Variants in YBEY observed in about 807,000 individuals in gnomAD.
The protein encoded by YBEY is ybeY metalloendoribonuclease.
Under a neutral mutation model 13.5 loss-of-function variants are expected in YBEY, and 15 were observed. The observed-to-expected ratio is 1.11, with a 90% confidence interval of 0.75 to 1.72. YBEY has a LOEUF of 1.72. Ranked by LOEUF, YBEY falls within the 40% of genes most tolerant of loss-of-function variation. The pLI, the probability that YBEY is intolerant of heterozygous loss-of-function variation, is 0.00. For missense variants in YBEY, 244 were observed against 208.4 expected (o/e 1.17, Z -1.05); for synonymous variants, 101 against 83.1 (o/e 1.21, Z -1.17).
downstream of YBEY, chr21:46,301,667 G>T: frequency 8.9e-7 from 1 of 1,119,544 alleles, no homozygotes. Context: ...CTTTACCTCC[G>T]TGATGGAAGA....
intron 2 of YBEY, among the ~76,000 whole-genome samples, chr21:46,290,341 G>A (rs541848836): frequency 1.3e-5 from 2 of 152,130 alleles, no homozygotes; most frequent in South Asian, 4.2e-4. Context: ...GAGTAGCTGG[G>A]GTTACAGGCA....
At position 46,291,478 on chromosome 21, in the gene YBEY, G is replaced by A. The variant is rs1569097437; in HGVS notation, c.339+16G>A. 3 of 1,613,258 alleles carry A rather than the reference G, an allele frequency of 1.9e-6. No homozygotes were observed. The highest frequency in any genetic ancestry group is 8.5e-7 in the Non-Finnish European group (1 of 1,179,702). Reference sequence around the variant, plus strand: ...CGTCCTGACTGTAAGCGGGGATGCTGAAATCATATAACCTGGCTCATGGAA... The same window carrying A: ...CGTCCTGACTGTAAGCGGGGATGCTAAAATCATATAACCTGGCTCATGGAA... On this transcript the variant is annotated intron_variant, in intron 3 of 4. Coordinates refer to ENST00000397701, the MANE Select transcript of YBEY (RefSeq NM_001314025.2).
At chr21:46,300,803 G>A (rs2082082596), downstream of YBEY, 1 of 1,287,294 alleles carries the variant, frequency 7.8e-7, no homozygotes, top group African/African-American at 1.5e-5. Flanking sequence ...TCCTAATAGG[G>A]GGTGAATGAA....
the YBEY span, among the ~76,000 whole-genome samples, chr21:46,309,421 C>A: frequency 0.061 from 9,164 of 149,884 alleles, 326 homozygotes; most frequent in Non-Finnish European, 0.081. Flanking sequence ...GAGATTGCGC[C>A]ACTTCACTCA....
intron 2 of YBEY, 105 bp from the exon 3 acceptor site, chr21:46,291,224 GGCTCA>G (rs1329684226): frequency 1.9e-6 from 2 of 1,066,866 alleles, no homozygotes; most frequent in East Asian, 6.5e-5. Flanking sequence ...AAAGTGATTT[GGCTCA>G]GAGATAAGTG....
intron 2 of YBEY, among the ~76,000 whole-genome samples, chr21:46,290,224 G>A (rs2081644548): frequency 2.0e-5 from 3 of 149,422 alleles, no homozygotes; most frequent in African/African-American, 7.4e-5. Context: ...TTTTTTTTGA[G>A]ACGGAGTCTT....
intron 2 of YBEY, among the ~76,000 whole-genome samples, chr21:46,289,671 C>G (rs1157900783): frequency 1.3e-5 from 2 of 151,610 alleles, no homozygotes; most frequent in Non-Finnish European, 2.9e-5. Context: ...CCAAGCTGGT[C>G]TAGAACTCCT....
chr21:46,297,537 A>C lies in YBEY; in HGVS notation c.409-2A>C. The C allele has an allele frequency of 7.2e-7, 1 of 1,387,986 alleles. No individual in the cohort carries two copies. Among genetic ancestry groups the C allele is most frequent in the East Asian group, 3.0e-5 (1 of 33,178 alleles). The allele number at this position is 1,387,986 out of a possible 1,614,324, so 86.0% of individuals were successfully genotyped here. A position where few individuals can be genotyped will look rare whatever the true frequency, so the allele number is the denominator to read the frequency against. Reference sequence around the variant, plus strand: ...AGGGCCAGCGCGCTTCCTTCCTTCCAGATGTTCCAGAAGGAGAAGGCGGTG... The same window carrying C: ...AGGGCCAGCGCGCTTCCTTCCTTCCCGATGTTCCAGAAGGAGAAGGCGGTG... On this transcript the variant is annotated splice_acceptor_variant, in intron 4 of 4. Transcript: ENST00000397701. LOFTEE classifies it high-confidence loss of function.
intron 2 of YBEY, 35 bp downstream of exon 2, chr21:46,287,158 A>G: frequency 6.7e-7 from 1 of 1,482,342 alleles, no homozygotes; most frequent in Non-Finnish European, 9.2e-7. Context: ...TGTCTAGCCC[A>G]TCTTCCCAGA....
rs1280677297 is a variant in YBEY, at chr21:46,286,949, C to A, written c.36C>A (p.Ile12=). ...TGATTAGAAATCTGCAGCGAGTCAT[C>A]CCCATCAGGAGAGCGCCACTTCGCA... is the stretch of plus-strand genomic sequence containing the variant. ...SLVIRNLQRV[I]PIRRAPLRSK... The change falls in exon 2 of 5, where the codon ATC becomes ATA. Residue 12 remains isoleucine, a synonymous_variant. Transcript: ENST00000397701. The A allele has an allele frequency of 6.2e-7, 1 of 1,613,908 alleles. No homozygotes were observed. Among genetic ancestry groups the A allele is most frequent in the African/African-American group, 1.3e-5 (1 of 74,910 alleles).
At chr21:46,308,103 C>CCTA in the YBEY span, among the ~76,000 whole-genome samples, 1 of 152,060 alleles carries the variant, frequency 6.6e-6, no homozygotes, top group Non-Finnish European at 1.5e-5. Flanking sequence ...AAGTGATTCT[C>CCTA]CTACCTCAGC....
chr21:46,300,708 C>A, downstream of YBEY: 1 of 1,286,040 alleles, frequency 7.8e-7, no homozygotes, highest in South Asian at 1.2e-5. Context: ...TCTGGTCATC[C>A]TGTCTCCTAC....
Position 46,291,362 on chromosome 21 carries a change from C to G in YBEY, c.239C>G (p.Pro80Arg). The G allele has an allele frequency of 1.2e-6, 2 of 1,614,076 alleles. No individual in the cohort carries two copies. Among genetic ancestry groups the G allele is most frequent in the Non-Finnish European group, 1.7e-6 (2 of 1,180,018 alleles). ...EHLKAGEFPQ[P>R]DFPDDYNLGD... is the part of the protein sequence containing the mutation. ...CTGAAAGCAGGTGAATTTCCCCAGC[C>G]TGATTTTCCAGATGACTACAATTTG... Residue 80 changes from proline to arginine, a missense_variant, in exon 3 of 5, where the codon CCT becomes CGT. By Grantham distance (103) the Pro-to-Arg change is moderately radical. Transcript: ENST00000397701.
intron 2 of YBEY, among the ~76,000 whole-genome samples, chr21:46,288,299 G>A (rs1280716182): frequency 1.3e-5 from 2 of 152,218 alleles, no homozygotes; most frequent in Non-Finnish European, 2.9e-5. Flanking sequence ...AGCAGGAATT[G>A]GAGCAATCCT....
intron 3 of YBEY, among the ~76,000 whole-genome samples, chr21:46,294,659 C>CTT (rs2081886878): frequency 3.4e-5 from 4 of 119,068 alleles, no homozygotes; most frequent in East Asian, 2.6e-4. Flanking sequence ...ATTCCTCCCG[C>CTT]GGTTAGCCTG....
At chr21:46,308,470 G>T in the YBEY span, among the ~76,000 whole-genome samples, 1 of 151,910 alleles carries the variant, frequency 6.6e-6, no homozygotes, top group South Asian at 2.1e-4. Flanking sequence ...CAAAAAAAAA[G>T]AGTTAAATCT....
chr21:46,292,482 T>C (rs922524389), intron 3 of YBEY, among the ~76,000 whole-genome samples: 11 of 152,316 alleles, frequency 7.2e-5, no homozygotes, highest in African/African-American at 2.4e-4. Context: ...ATTCTTGATT[T>C]AAAGTTAAAC....
downstream of YBEY, chr21:46,302,380 G>A: frequency 9.2e-7 from 1 of 1,090,108 alleles, no homozygotes; most frequent in Non-Finnish European, 1.3e-6. Context: ...GTAGACCTGA[G>A]CCAGGAATGC....
chr21:46,310,175 G>A, the YBEY span, among the ~76,000 whole-genome samples: 1 of 151,986 alleles, frequency 6.6e-6, no homozygotes, highest in Admixed American at 6.6e-5. Flanking sequence ...TATGTTATAT[G>A]TATATGTTAA....
Sources: gnomAD v4.1 joint callset for allele counts (sites outside exome capture counted in the v4.1 genomes callset) on GRCh38, gnomAD v4.1.1 for gene constraint, MANE v1.5 for transcripts, NCBI Gene and HGNC (gene_info 2026-07-23, HGNC 2026-07-21) for gene names.